The following TBC1D19 variants were observed in gnomAD, a reference collection of about 807,000 sequenced individuals.
The protein encoded by TBC1D19 is TBC1 domain family member 19.
A neutral mutation model predicts 89.0 loss-of-function variants in TBC1D19; 60 were observed. The observed-to-expected ratio is 0.67, with a 90% CI of 0.55 to 0.84. TBC1D19 has a LOEUF of 0.84. Ranked by LOEUF, TBC1D19 falls within the 40% of genes least tolerant of loss-of-function variation. The probability of loss-of-function intolerance (pLI) is 0.00; values close to 1 mark genes in which losing one functional copy is unlikely to be tolerated. For missense variants in TBC1D19, 500 were observed against 610.8 expected, an observed-to-expected ratio of 0.82 and a Z score of 1.91; for synonymous variants, 189 against 199.7, an observed-to-expected ratio of 0.95 and a Z score of 0.45.
At chr4:26,632,258 A>C (rs890653808) in intron 4 of TBC1D19, among the ~76,000 whole-genome samples, 1 of 151,978 alleles carries the variant, frequency 6.6e-6, no homozygotes, top group Non-Finnish European at 1.5e-5. Context: ...GCAGTCAAAA[A>C]TTCACATATA....
intron 7 of TBC1D19, among the ~76,000 whole-genome samples, chr4:26,656,556 T>A (rs1744824736): frequency 6.6e-6 from 1 of 152,116 alleles, no homozygotes. Flanking sequence ...AAGTTGGCTT[T>A]TATCTGCTTT....
At chr4:26,827,443 A>G in the TBC1D19 span, among the ~76,000 whole-genome samples, 1 of 152,214 alleles carries the variant, frequency 6.6e-6, no homozygotes, top group South Asian at 2.1e-4. Context: ...CGTCTCTACT[A>G]AAATACAAAA....
chr4:26,779,631 G>T, the TBC1D19 span, among the ~76,000 whole-genome samples: 1 of 152,190 alleles, frequency 6.6e-6, no homozygotes, highest in Non-Finnish European at 1.5e-5. Context: ...AGTCAAAACT[G>T]CAAAATCTCA....
the TBC1D19 span, among the ~76,000 whole-genome samples, chr4:26,808,461 G>A: frequency 8.9e-4 from 120 of 135,008 alleles, no homozygotes; most frequent in Non-Finnish European, 1.3e-3. Context: ...GGCTGGGCGC[G>A]GTGGCTCACG....
chr4:26,621,240 A>C (rs577020445), intron 4 of TBC1D19, among the ~76,000 whole-genome samples: 4 of 152,306 alleles, frequency 2.6e-5, no homozygotes, highest in African/African-American at 9.6e-5. Context: ...GTTAAAATGG[A>C]AGCTCAAGAA....
chr4:26,703,456 G>A (rs143337760), intron 13 of TBC1D19, among the ~76,000 whole-genome samples: 21 of 152,202 alleles, frequency 1.4e-4, no homozygotes, highest in South Asian at 6.2e-4. Flanking sequence ...TTAATTACAG[G>A]CATTCCTTTA....
At chr4:26,807,280 C>T in the TBC1D19 span, among the ~76,000 whole-genome samples, 1 of 152,094 alleles carries the variant, frequency 6.6e-6, no homozygotes, top group African/African-American at 2.4e-5. Context: ...GAACCTGAGC[C>T]TCCATAGCCG....
chr4:26,680,540 G>A (rs1188866800), intron 11 of TBC1D19, among the ~76,000 whole-genome samples: 1 of 151,870 alleles, frequency 6.6e-6, no homozygotes, highest in African/African-American at 2.4e-5. Flanking sequence ...ACAAAATTCT[G>A]TGCTAGACTT....
intron 1 of TBC1D19, chr4:26,585,301 C>T: frequency 3.1e-6 from 1 of 317,696 alleles, no homozygotes; most frequent in Non-Finnish European, 6.2e-6. Flanking sequence ...CTTGATAGCG[C>T]TTGATGCTGC....
At chr4:26,665,639 T>G (rs1711738481) in intron 8 of TBC1D19, among the ~76,000 whole-genome samples, 1 of 152,064 alleles carries the variant, frequency 6.6e-6, no homozygotes, top group Non-Finnish European at 1.5e-5. Context: ...GTTTTGGATA[T>G]TTGCAGTGTT....
chr4:26,706,484 G>T (rs1034945763), intron 13 of TBC1D19, among the ~76,000 whole-genome samples: 5 of 151,896 alleles, frequency 3.3e-5, no homozygotes, highest in Non-Finnish European at 7.4e-5. Flanking sequence ...GCCAACTTTG[G>T]TTTCAGTTAT....
intron 9 of TBC1D19, among the ~76,000 whole-genome samples, chr4:26,670,421 A>G (rs932442320): frequency 2.0e-5 from 3 of 151,688 alleles, no homozygotes; most frequent in African/African-American, 7.2e-5. Context: ...AAAATTATCT[A>G]ATACTGAAAA....
chr4:26,807,165 C>T, the TBC1D19 span, among the ~76,000 whole-genome samples: 1 of 152,110 alleles, frequency 6.6e-6, no homozygotes, highest in East Asian at 1.9e-4. Flanking sequence ...GTGTCGGCAA[C>T]CTTCATTCTC....
At chr4:26,786,365 T>A in the TBC1D19 span, among the ~76,000 whole-genome samples, 1 of 152,114 alleles carries the variant, frequency 6.6e-6, no homozygotes, top group African/African-American at 2.4e-5. Flanking sequence ...CCGGGCACGG[T>A]GGCTCACACC....
At chr4:26,642,220 C>T (rs879749815) in intron 7 of TBC1D19, among the ~76,000 whole-genome samples, 5 of 152,236 alleles carry the variant, frequency 3.3e-5, no homozygotes, top group Non-Finnish European at 7.3e-5. Flanking sequence ...ATCAGACTAA[C>T]AGCAGATCTC....
the TBC1D19 span, among the ~76,000 whole-genome samples, chr4:26,765,999 A>T: frequency 6.6e-6 from 1 of 152,130 alleles, no homozygotes; most frequent in Non-Finnish European, 1.5e-5. Flanking sequence ...TGCACGATAC[A>T]CTGCCAAGAC....
In TBC1D19 at chr4:26,665,150, T is replaced by C. The variant is rs193267909; in HGVS notation, c.592-1183T>C. On this transcript the variant is annotated intron_variant, in intron 8 of 20. Coordinates refer to ENST00000264866, the MANE Select transcript of TBC1D19 (RefSeq NM_018317.4). ...GGGCTAGCAGGCCAGTCCAGGGGTC[T>C]GCGGTAGATCTTAGTCATGGACAAG... 2.0e-3 allele frequency among the ~76,000 whole-genome samples: 302 copies of C among 152,256 alleles called. 1 individual carries two copies. Among genetic ancestry groups the C allele is most frequent in the Non-Finnish European group, 3.2e-3 (216 of 68,018 alleles).
chr4:26,684,858 C>T (rs917555336), intron 12 of TBC1D19, among the ~76,000 whole-genome samples: 3 of 152,256 alleles, frequency 2.0e-5, no homozygotes, highest in African/African-American at 7.2e-5. Flanking sequence ...AAACCCTTTA[C>T]ATAGATTACT....
chr4:26,791,550 G>T, the TBC1D19 span, among the ~76,000 whole-genome samples: 7 of 152,214 alleles, frequency 4.6e-5, no homozygotes, highest in Non-Finnish European at 8.8e-5. Context: ...GAAGCCAGGA[G>T]ACCAGTTGGG....
Sources: gnomAD v4.1 joint callset for allele counts (sites outside exome capture counted in the v4.1 genomes callset) on GRCh38, gnomAD v4.1.1 for gene constraint, MANE v1.5 for transcripts, NCBI Gene and HGNC (gene_info 2026-07-23, HGNC 2026-07-21) for gene names.